Variants in MACROD2 observed in about 807,000 individuals in gnomAD.
MACROD2 encodes the protein mono-ADP ribosylhydrolase 2.
Under a neutral mutation model 70.4 loss-of-function variants are expected in MACROD2, and 36 were observed. That is an observed-to-expected ratio of 0.51 (90% confidence interval 0.39 to 0.68). MACROD2 has a LOEUF of 0.68. Ranked by LOEUF, MACROD2 falls within the 30% of genes least tolerant of loss-of-function variation. The pLI is 0.00. For missense variants in MACROD2, 496 were observed against 538.4 expected (o/e 0.92, Z 0.78); for synonymous variants, 172 against 178.8 (o/e 0.96, Z 0.30).
At chr20:14,069,060 C>G (rs766927321) in intron 2 of MACROD2, among the ~76,000 whole-genome samples, 1 of 151,994 alleles carries the variant, frequency 6.6e-6, no homozygotes, top group Admixed American at 6.6e-5. Context: ...GCGATTCTCC[C>G]GCCTCAGCCT....
chr20:15,113,081 G>A (rs1187080258), intron 5 of MACROD2, among the ~76,000 whole-genome samples: 1 of 152,130 alleles, frequency 6.6e-6, no homozygotes, highest in Admixed American at 6.5e-5. Context: ...ATGAACATGA[G>A]TGTACAGATA....
intron 3 of MACROD2, among the ~76,000 whole-genome samples, chr20:14,318,267 G>A (rs1244295258): frequency 6.6e-6 from 1 of 152,166 alleles, no homozygotes; most frequent in Non-Finnish European, 1.5e-5. Flanking sequence ...TGAAAAAGAA[G>A]CACTGCTTTT....
chr20:14,934,584 C>T lies in MACROD2; in HGVS notation c.418+249625C>T, dbSNP rs139813991. On this transcript the variant is annotated intron_variant, in intron 5 of 17. Coordinates refer to ENST00000684519, the MANE Select transcript of MACROD2 (RefSeq NM_001351661.2). ...GGTCGATCACTTGAGGTTAGGAGTT[C>T]GAGACCAGCCTGGCCAACATGGTGA... Among the ~76,000 whole-genome samples the T allele has an allele frequency of 1.7e-3, 263 of 152,146 alleles. 1 individual carries two copies. The highest frequency in any genetic ancestry group is 0.016 in the East Asian group (81 of 5,164).
At chr20:14,637,805 G>C (rs902412872) in intron 4 of MACROD2, among the ~76,000 whole-genome samples, 3 of 151,910 alleles carry the variant, frequency 2.0e-5, no homozygotes, top group African/African-American at 4.8e-5. Flanking sequence ...AAAATTTGCT[G>C]TCTTCTTTGA....
At chr20:15,191,931 T>TATAGAGAG (rs150210305) in intron 5 of MACROD2, among the ~76,000 whole-genome samples, 16,110 of 142,316 alleles carry the variant, frequency 0.11, 1,262 homozygotes, top group Admixed American at 0.18. Flanking sequence ...TATATATATA[T>TATAGAGAG]AGAGAGAGAG....
intron 8 of MACROD2, among the ~76,000 whole-genome samples, chr20:15,647,928 A>G (rs1186615091): frequency 6.6e-6 from 1 of 152,148 alleles, no homozygotes; most frequent in East Asian, 1.9e-4. Context: ...CATGTTGGCC[A>G]GGCTGTTCTC....
chr20:14,794,702 A>G lies in MACROD2; in HGVS notation c.418+109743A>G, dbSNP rs566659611. 1.0e-3 allele frequency among the ~76,000 whole-genome samples: 153 copies of G among 152,254 alleles called. 1 individual carries two copies. The highest frequency in any genetic ancestry group is 1.9e-3 in the Non-Finnish European group (130 of 68,020). ...TTCTAATATTCAAATATCTGTTTGT[A>G]GAGCATTTTAATTAGTTTAACAAAT... is the stretch of plus-strand genomic sequence containing the variant. On this transcript the variant is annotated intron_variant, in intron 5 of 17. Coordinates refer to ENST00000684519, the MANE Select transcript of MACROD2 (RefSeq NM_001351661.2).
intron 8 of MACROD2, among the ~76,000 whole-genome samples, chr20:15,521,573 C>T (rs1025437730): frequency 6.6e-6 from 1 of 152,100 alleles, no homozygotes; most frequent in Non-Finnish European, 1.5e-5. Flanking sequence ...TCATAAACTG[C>T]CTTTGGATCT....
rs116282395 is a variant in MACROD2 at position 14,604,109 on chromosome 20, G to A, written c.302-80734G>A. On this transcript the variant is annotated intron_variant, in intron 4 of 17. Coordinates refer to ENST00000684519, the MANE Select transcript of MACROD2 (RefSeq NM_001351661.2). The stretch of plus-strand genomic sequence containing the variant: ...TTGGGTTTGGTCTGAAAACATATTT[G>A]TCTTATTTTGTCGAATTAACTACTC... Among the ~76,000 whole-genome samples, 779 of 152,244 alleles carry A rather than the reference G, an allele frequency of 5.1e-3. 9 individuals carry two copies. The highest frequency in any genetic ancestry group is 0.018 in the African/African-American group (728 of 41,544).
intron 5 of MACROD2, among the ~76,000 whole-genome samples, chr20:14,769,556 T>C (rs10485514): frequency 0.022 from 3,351 of 152,214 alleles, 145 homozygotes; most frequent in African/African-American, 0.076. Context: ...CTCATCATAT[T>C]GTACCGCACC....
intron 5 of MACROD2, among the ~76,000 whole-genome samples, chr20:14,863,766 T>C (rs1270794957): frequency 6.6e-6 from 1 of 152,120 alleles, no homozygotes; most frequent in African/African-American, 2.4e-5. Flanking sequence ...TATTATTATC[T>C]TCATACGATA....
chr20:14,529,072 G>A lies in MACROD2; in HGVS notation c.301+35564G>A, dbSNP rs867222654. Among the ~76,000 whole-genome samples, 5 of 152,242 alleles carry A rather than the reference G, an allele frequency of 3.3e-5. No homozygotes were observed. In the East Asian group the frequency reaches 7.7e-4, roughly 24 times the overall value. On this transcript the variant is annotated intron_variant, in intron 4 of 17. Coordinates refer to ENST00000684519, the MANE Select transcript of MACROD2 (RefSeq NM_001351661.2). ...TCAGTGATTGCTCAGGAAAGGGCAC[G>A]AGATTGGGTTGTGATCTAGAGGGCA... is the stretch of plus-strand genomic sequence containing the variant.
At chr20:14,609,165 ATAAAT>A (rs1371129360) in intron 4 of MACROD2, among the ~76,000 whole-genome samples, 8 of 152,052 alleles carry the variant, frequency 5.3e-5, no homozygotes, top group African/African-American at 1.7e-4. Flanking sequence ...AAGAAGGAAA[ATAAAT>A]TAAGAGACTT....
chr20:14,067,844 A>G (rs1042081487), intron 2 of MACROD2, among the ~76,000 whole-genome samples: 1 of 152,180 alleles, frequency 6.6e-6, no homozygotes, highest in Non-Finnish European at 1.5e-5. Flanking sequence ...GACTCAGCAC[A>G]TGGGTTCTAG....
intron 6 of MACROD2, among the ~76,000 whole-genome samples, chr20:15,341,131 A>G (rs2078106107): frequency 1.3e-5 from 2 of 152,166 alleles, no homozygotes; most frequent in Admixed American, 1.3e-4. Context: ...TTCACAAAGC[A>G]CGTCCTGCAA....
chr20:15,502,084 GA>G (rs969656294), intron 8 of MACROD2, among the ~76,000 whole-genome samples: 3 of 151,128 alleles, frequency 2.0e-5, no homozygotes, highest in Non-Finnish European at 3.0e-5. Context: ...TGGTAGTCTA[GA>G]AAAAAAAATT....
At chr20:14,320,884 C>G (rs1352403910) in intron 3 of MACROD2, among the ~76,000 whole-genome samples, 5 of 152,082 alleles carry the variant, frequency 3.3e-5, no homozygotes, top group African/African-American at 1.2e-4. Context: ...CCAGTATGTG[C>G]TTTTCTTTAA....
chr20:15,378,631 A>T lies in MACROD2; in HGVS notation c.541-52774A>T, dbSNP rs567738748. ...ATAATTTATTTCAGGAAGAAGAAAT[A>T]AACTGCACAAGGAAAGTTCTTCTAA... On this transcript the variant is annotated intron_variant, in intron 6 of 17. Coordinates refer to ENST00000684519, the MANE Select transcript of MACROD2 (RefSeq NM_001351661.2). Among the ~76,000 whole-genome samples, 5 of 152,366 alleles carry T rather than the reference A, an allele frequency of 3.3e-5. No homozygotes were observed. In the South Asian group the frequency reaches 8.3e-4, roughly 25 times the overall value.
intron 8 of MACROD2, among the ~76,000 whole-genome samples, chr20:15,555,102 A>G (rs530754090): frequency 4.6e-5 from 7 of 152,268 alleles, no homozygotes; most frequent in South Asian, 4.1e-4. Flanking sequence ...GAGTGTGTCT[A>G]TTAATGGGGG....
Sources: allele counts gnomAD v4.1 joint callset (sites outside exome capture counted in the v4.1 genomes callset), GRCh38; gene constraint gnomAD v4.1.1; transcripts MANE v1.5; gene names NCBI Gene and HGNC (gene_info 2026-07-23, HGNC 2026-07-21).